FAM151B: variants seen among roughly 807,000 people sequenced by gnomAD.
The protein encoded by FAM151B is protein FAM151B.
Under a neutral mutation model 31.2 loss-of-function variants are expected in FAM151B, and 24 were observed. The ratio of observed to expected loss-of-function variants is 0.77; its 90% CI spans 0.56 to 1.08. FAM151B has a LOEUF of 1.08. FAM151B is among the 50% of genes least tolerant of loss of function. The pLI, the probability that FAM151B is intolerant of heterozygous loss-of-function variation, is 0.00. For missense variants in FAM151B, 293 were observed against 328.6 expected (o/e 0.89, Z 0.84); for synonymous variants, 105 against 111.4 (o/e 0.94, Z 0.36).
At chr5:80,503,015 T>C (rs573153184) in intron 2 of FAM151B, among the ~76,000 whole-genome samples, 1 of 152,300 alleles carries the variant, frequency 6.6e-6, no homozygotes, top group Non-Finnish European at 1.5e-5. Flanking sequence ...GGTTTCTTTT[T>C]TGGATGATGA....
At position 80,507,052 on chromosome 5, in the gene FAM151B, G is replaced by A. The variant is rs150834406; in HGVS notation, c.151+5135G>A. Among the ~76,000 whole-genome samples the A allele has an allele frequency of 7.7e-3, 1,153 of 150,416 alleles. 18 individuals are homozygous for A. Among genetic ancestry groups the A allele is most frequent in the African/African-American group, 0.026 (1,067 of 40,844 alleles). On this transcript the variant is annotated intron_variant, in intron 2 of 5. Coordinates refer to ENST00000282226, the MANE Select transcript of FAM151B (RefSeq NM_205548.3). ...GAGAATTGCTTGAACCCAGGAAGCA[G>A]AGGTTGCAGTGAGCCAAGATCATGC...
chr5:80,537,794 C>T lies in FAM151B; in HGVS notation c.672-3879C>T, dbSNP rs574314944. Among the ~76,000 whole-genome samples the T allele has an allele frequency of 3.7e-4, 57 of 152,204 alleles. 2 individuals are homozygous for T. In the East Asian group the frequency reaches 0.011, roughly 29 times the overall value. On this transcript the variant is annotated intron_variant, in intron 5 of 5. Transcript: ENST00000282226. Reference sequence around the variant, plus strand: ...AGTAAAACTACCAGCTTCTGTCATACATTAATAAAACATTATTAATGTTAT... The same window carrying T: ...AGTAAAACTACCAGCTTCTGTCATATATTAATAAAACATTATTAATGTTAT...
At position 80,519,901 on chromosome 5, in the gene FAM151B, G is replaced by A; in HGVS notation, c.526G>A (p.Val176Ile). Reference protein sequence around the residue: ...GWTTGWHPEKVNEGYSWTMVK... With the variant: ...GWTTGWHPEKINEGYSWTMVK... The stretch of plus-strand genomic sequence containing the variant: ...GACAACAGGATGGCATCCTGAGAAA[G>A]TCAATGAAGGTAATAATTCTAATAA... The change falls in exon 4 of 6, where the codon GTC becomes ATC. Residue 176 changes from valine to isoleucine, a missense_variant. Transcript: ENST00000282226. 2 of 1,612,964 alleles carry A rather than the reference G, an allele frequency of 1.2e-6. No homozygotes were observed. Among genetic ancestry groups the A allele is most frequent in the South Asian group, 1.1e-5 (1 of 91,002 alleles).
intron 5 of FAM151B, among the ~76,000 whole-genome samples, chr5:80,527,113 T>A (rs1285640669): frequency 1.3e-5 from 2 of 152,176 alleles, no homozygotes; most frequent in Non-Finnish European, 2.9e-5. Flanking sequence ...AAGATGGGGA[T>A]ACCTTCTGAG....
chr5:80,508,490 T>A (rs1433942393), intron 2 of FAM151B, among the ~76,000 whole-genome samples: 1 of 152,130 alleles, frequency 6.6e-6, no homozygotes, highest in Non-Finnish European at 1.5e-5. Context: ...TGAATTGGTA[T>A]CTCATTGTGG....
chr5:80,519,132 G>C (rs1744589570), intron 3 of FAM151B, among the ~76,000 whole-genome samples: 1 of 152,102 alleles, frequency 6.6e-6, no homozygotes, highest in Non-Finnish European at 1.5e-5. Context: ...AAATGAAACA[G>C]AAACTTGAAG....
chr5:80,502,962 A>G (rs1743805297), intron 2 of FAM151B, among the ~76,000 whole-genome samples: 1 of 152,198 alleles, frequency 6.6e-6, no homozygotes, highest in African/African-American at 2.4e-5. Flanking sequence ...TGGTTGCTTA[A>G]TGATTGTCAG....
intron 3 of FAM151B, among the ~76,000 whole-genome samples, chr5:80,515,683 A>G (rs1244752118): frequency 6.6e-6 from 1 of 152,180 alleles, no homozygotes; most frequent in Non-Finnish European, 1.5e-5. Context: ...TTTGAAGGGG[A>G]TTCAATATAA....
chr5:80,542,134 A>G lies in FAM151B; in HGVS notation c.*302A>G, dbSNP rs1745927346. On this transcript the variant is annotated 3_prime_UTR_variant, in exon 6 of 6. Transcript: ENST00000282226. ...AAACTAAAGATGATTGGCAGAATCC[A>G]TATGTCATAAAACAGGTATAAATCA... 1 of 267,920 alleles carries G rather than the reference A, an allele frequency of 3.7e-6. No homozygotes were observed. The highest frequency in any genetic ancestry group is 7.0e-6 in the Non-Finnish European group (1 of 143,340). 16.6% of individuals were successfully genotyped at this position (267,920 alleles called of 1,614,324 possible). A position where few individuals can be genotyped will look rare whatever the true frequency, so the allele number is the denominator to read the frequency against.
In FAM151B at chr5:80,494,464, CTTTCTTT is replaced by C. The variant is rs1743441549; in HGVS notation, c.25+6317_25+6323del. ...TTCTTTTTCTTTCTTTCTTTTCTTT[CTTTCTTT>C]CTTTCTTTCTTTCTTTCTTTCTTTC... On this transcript the variant is annotated intron_variant, in intron 1 of 5. Transcript: ENST00000282226. Among the ~76,000 whole-genome samples, 3 of 45,326 alleles carry C rather than the reference CTTTCTTT, an allele frequency of 6.6e-5. No homozygotes were observed. In the Admixed American group the frequency reaches 7.3e-4, roughly 11 times the overall value. The allele number at this position is 45,326 out of a possible 152,430, so 29.7% of individuals were successfully genotyped here. A position where few individuals can be genotyped will look rare whatever the true frequency, so the allele number is the denominator to read the frequency against.
chr5:80,536,435 C>T (rs1745521429), intron 5 of FAM151B, among the ~76,000 whole-genome samples: 1 of 152,044 alleles, frequency 6.6e-6, no homozygotes, highest in Admixed American at 6.6e-5. Flanking sequence ...CTTGGCCTCC[C>T]AAAGTGCTGG....
Position 80,519,674 on chromosome 5 carries a change from C to G in FAM151B, c.318-19C>G. ...TTACCTAAAGAATCTATCTCATTGA[C>G]AACAAATTATGTTTTTAGTCTGGCA... On this transcript the variant is annotated intron_variant, in intron 3 of 5. Transcript: ENST00000282226. 2 of 1,606,006 alleles carry G rather than the reference C, an allele frequency of 1.2e-6. No individual in the cohort carries two copies. The highest frequency in any genetic ancestry group is 1.7e-6 in the Non-Finnish European group (2 of 1,174,486).
At chr5:80,506,543 A>T (rs973297035) in intron 2 of FAM151B, among the ~76,000 whole-genome samples, 1 of 152,188 alleles carries the variant, frequency 6.6e-6, no homozygotes, top group East Asian at 1.9e-4. Context: ...CAGTAGATCT[A>T]TGAGTCCATC....
intron 1 of FAM151B, among the ~76,000 whole-genome samples, chr5:80,499,586 C>A (rs1238503755): frequency 6.6e-6 from 1 of 151,980 alleles, no homozygotes; most frequent in Non-Finnish European, 1.5e-5. Context: ...CCTTATATTT[C>A]TGGACCAGCA....
chr5:80,493,137 T>G (rs767570164), intron 1 of FAM151B, among the ~76,000 whole-genome samples: 23 of 152,154 alleles, frequency 1.5e-4, no homozygotes, highest in Non-Finnish European at 3.4e-4. Context: ...AAAACAGCCC[T>G]ATTGCTGATA....
At chr5:80,489,580 G>C (rs1011257953) in intron 1 of FAM151B, among the ~76,000 whole-genome samples, 5 of 152,182 alleles carry the variant, frequency 3.3e-5, no homozygotes, top group African/African-American at 1.2e-4. Flanking sequence ...GGAATAAAAT[G>C]TGTGCACAAG....
intron 2 of FAM151B, among the ~76,000 whole-genome samples, chr5:80,502,392 A>G (rs1370307410): frequency 6.6e-6 from 1 of 152,160 alleles, no homozygotes; most frequent in African/African-American, 2.4e-5. Context: ...TATCTTACAT[A>G]TTTTTATGTC....
At chr5:80,507,138 T>A (rs984125923) in intron 2 of FAM151B, among the ~76,000 whole-genome samples, 26 of 135,566 alleles carry the variant, frequency 1.9e-4, no homozygotes, top group African/African-American at 4.8e-4. Flanking sequence ...AAAAAAAAAA[T>A]GTGCTGGACA....
chr5:80,525,089 T>C (rs1181549191), intron 5 of FAM151B, among the ~76,000 whole-genome samples: 1 of 152,236 alleles, frequency 6.6e-6, no homozygotes. Flanking sequence ...CAAAGAGCCT[T>C]AGAGATTATT....
Sources: allele counts gnomAD v4.1 joint callset (sites outside exome capture counted in the v4.1 genomes callset), GRCh38; gene constraint gnomAD v4.1.1; transcripts MANE v1.5; gene names NCBI Gene and HGNC (gene_info 2026-07-23, HGNC 2026-07-21).